The following B3GALT1 variants were observed in gnomAD, a reference collection of about 807,000 sequenced individuals.
The protein encoded by B3GALT1 is UDP-Gal:betaGlcNAc beta 1,3-galactosyltransferase, polypeptide 1.
Under a neutral mutation model 23.2 loss-of-function variants are expected in B3GALT1, and 10 were observed. The observed-to-expected ratio is 0.43, with a 90% CI of 0.27 to 0.73. B3GALT1 has a LOEUF of 0.73. B3GALT1 is among the 30% of genes least tolerant of loss of function. The probability of loss-of-function intolerance (pLI) is 0.21; values close to 1 mark genes in which losing one functional copy is unlikely to be tolerated. For synonymous variants in B3GALT1, 156 were observed against 141.5 expected, an observed-to-expected ratio of 1.10 and a Z score of -0.73; for missense variants, 299 against 405.4, an observed-to-expected ratio of 0.74 and a Z score of 2.25.
chr2:167,546,557 C>G (rs1346968220), intron 2 of B3GALT1, among the ~76,000 whole-genome samples: 1 of 152,102 alleles, frequency 6.6e-6, no homozygotes, highest in African/African-American at 2.4e-5. Flanking sequence ...CACCCCCCAC[C>G]CCAACTCCCA....
chr2:167,366,162 A>G (rs1697581409), intron 1 of B3GALT1, among the ~76,000 whole-genome samples: 1 of 152,362 alleles, frequency 6.6e-6, no homozygotes, highest in South Asian at 2.1e-4. Context: ...GTGTAAAAGT[A>G]TAGCAACACT....
intron 3 of B3GALT1, among the ~76,000 whole-genome samples, chr2:167,734,519 G>A (rs550598265): frequency 3.9e-5 from 6 of 152,262 alleles, no homozygotes; most frequent in South Asian, 2.1e-4. Flanking sequence ...TGAGACCCCC[G>A]TGCACCATGT....
chr2:167,507,865 A>T (rs573125812), intron 2 of B3GALT1, among the ~76,000 whole-genome samples: 38 of 152,322 alleles, frequency 2.5e-4, no homozygotes, highest in Non-Finnish European at 5.1e-4. Context: ...GTCTTAGTTC[A>T]GGCTGCTGTA....
chr2:167,601,581 C>T (rs1435135938), intron 2 of B3GALT1, among the ~76,000 whole-genome samples: 1 of 152,190 alleles, frequency 6.6e-6, no homozygotes, highest in African/African-American at 2.4e-5. Flanking sequence ...GACCACTTTA[C>T]AACCATATGA....
chr2:167,650,665 T>G (rs1685847021), intron 3 of B3GALT1, among the ~76,000 whole-genome samples: 1 of 152,064 alleles, frequency 6.6e-6, no homozygotes, highest in South Asian at 2.1e-4. Context: ...TTTTCTTTGC[T>G]TGGAGGTTTT....
At chr2:167,385,680 G>A (rs185427857) in intron 1 of B3GALT1, among the ~76,000 whole-genome samples, 4 of 152,254 alleles carry the variant, frequency 2.6e-5, no homozygotes, top group Admixed American at 2.6e-4. Flanking sequence ...TAACAAAATT[G>A]GGACTGGAAA....
intron 2 of B3GALT1, among the ~76,000 whole-genome samples, chr2:167,539,785 ATAT>A (rs1247219825): frequency 6.6e-6 from 1 of 152,142 alleles, no homozygotes; most frequent in African/African-American, 2.4e-5. Context: ...TATCCACAAA[ATAT>A]TATTGAAAAT....
At chr2:167,463,919 A>G (rs548006231) in intron 1 of B3GALT1, among the ~76,000 whole-genome samples, 1 of 152,306 alleles carries the variant, frequency 6.6e-6, no homozygotes, top group African/African-American at 2.4e-5. Context: ...ACTATAGTTC[A>G]CATCGTTGGC....
chr2:167,846,944 C>T (rs1481266066), intron 4 of B3GALT1, among the ~76,000 whole-genome samples: 1 of 152,154 alleles, frequency 6.6e-6, no homozygotes. Context: ...CAAAAATGAG[C>T]AGGACTAGCT....
intron 4 of B3GALT1, among the ~76,000 whole-genome samples, chr2:167,825,240 C>T (rs1220361603): frequency 2.0e-5 from 3 of 146,618 alleles, no homozygotes; most frequent in East Asian, 2.0e-4. Flanking sequence ...GCCGAGATCG[C>T]GCCACTGTAC....
At chr2:167,806,002 C>G (rs188845698) in intron 3 of B3GALT1, among the ~76,000 whole-genome samples, 1 of 144,058 alleles carries the variant, frequency 6.9e-6, no homozygotes, top group African/African-American at 2.6e-5. Context: ...CTTTTATTTC[C>G]TCGAGCAGTG....
At chr2:167,450,842 T>C (rs2105319870) in intron 1 of B3GALT1, among the ~76,000 whole-genome samples, 1 of 152,296 alleles carries the variant, frequency 6.6e-6, no homozygotes, top group Admixed American at 6.5e-5. Flanking sequence ...ATTCTTAGGT[T>C]TGGTTGCTTA....
chr2:167,750,336 A>G (rs948832879), intron 3 of B3GALT1, among the ~76,000 whole-genome samples: 1 of 152,192 alleles, frequency 6.6e-6, no homozygotes, highest in Non-Finnish European at 1.5e-5. Flanking sequence ...ACCGTAAGGA[A>G]AACACTCACG....
chr2:167,869,635 G>A lies in B3GALT1; in HGVS notation c.596G>A (p.Arg199Gln), dbSNP rs755628484. The A allele has an allele frequency of 6.8e-6, 11 of 1,614,036 alleles. No homozygotes were observed. The highest frequency in any genetic ancestry group is 4.0e-5 in the African/African-American group (3 of 74,916). The change falls in exon 5 of 5, where the codon CGA becomes CAA. Residue 199 changes from arginine (R) to glutamine (Q), a missense_variant. This residue lies in a region of B3GALT1 where 133 missense variants were observed against 204.8 expected (regional missense o/e 0.65). Transcript: ENST00000392690. The surrounding 1 kb of genome is among the most constrained non-coding windows in gnomAD (Gnocchi z 6.4). The part of the protein sequence containing the change: ...YKLLKPSTKP[R>Q]RRYFTGYVIN... ...TTACTGAAACCCTCCACCAAGCCAC[G>A]AAGAAGGTATTTTACTGGCTATGTC...
At chr2:167,457,617 A>G (rs1346127546) in intron 1 of B3GALT1, among the ~76,000 whole-genome samples, 1 of 151,982 alleles carries the variant, frequency 6.6e-6, no homozygotes, top group African/African-American at 2.4e-5. Flanking sequence ...TTTTGTCTTT[A>G]TATGTTTTTG....
chr2:167,806,151 C>T lies in B3GALT1; in HGVS notation c.-351-12521C>T, dbSNP rs771136137. ...GTTTGTCTGTTATTGGTGTATAAGA[C>T]TGCTTGTGATTTTTGTACATTGATT... is the stretch of plus-strand genomic sequence containing the variant. On this transcript the variant is annotated intron_variant, in intron 3 of 4. Transcript: ENST00000392690. Among the ~76,000 whole-genome samples the T allele has an allele frequency of 2.6e-5, 4 of 152,060 alleles. No homozygotes were observed. In the South Asian group the frequency reaches 8.3e-4, roughly 32 times the overall value.
intron 1 of B3GALT1, among the ~76,000 whole-genome samples, chr2:167,332,527 T>G (rs576709626): frequency 4.6e-5 from 7 of 152,360 alleles, no homozygotes; most frequent in Admixed American, 2.6e-4. Flanking sequence ...AGCATTTAGT[T>G]AAGGATATGT....
chr2:167,706,551 G>A (rs1031152672), intron 3 of B3GALT1, among the ~76,000 whole-genome samples: 1 of 152,212 alleles, frequency 6.6e-6, no homozygotes, highest in Non-Finnish European at 1.5e-5. Flanking sequence ...CTCCTCAATG[G>A]TGATAGTGAG....
chr2:167,548,774 C>T (rs1272173601), intron 2 of B3GALT1, among the ~76,000 whole-genome samples: 1 of 151,796 alleles, frequency 6.6e-6, no homozygotes, highest in African/African-American at 2.4e-5. Context: ...TTAGATTACT[C>T]TTATTTGGGT....
Sources: allele counts gnomAD v4.1 joint callset (sites outside exome capture counted in the v4.1 genomes callset), GRCh38; gene constraint gnomAD v4.1.1; regional missense constraint gnomAD v4.1.1; non-coding constraint Gnocchi (gnomAD v3.1); transcripts MANE v1.5; gene names NCBI Gene and HGNC (gene_info 2026-07-23, HGNC 2026-07-21).